Variants in RBFOX1 observed in about 807,000 individuals in gnomAD.
RBFOX1 encodes the protein RNA binding fox-1 homolog 1.
A neutral mutation model predicts 57.7 loss-of-function variants in RBFOX1; 8 were observed. The observed-to-expected ratio is 0.14, with a 90% CI of 0.08 to 0.25. The LOEUF (loss-of-function observed/expected upper bound fraction) is 0.25, where lower values mean the gene tolerates loss of function less well. RBFOX1 is among the 10% of genes least tolerant of loss of function. RBFOX1 has a pLI of 1.00. For synonymous variants in RBFOX1, 326 were observed against 222.4 expected, an observed-to-expected ratio of 1.47 and a Z score of -4.15; for missense variants, 611 against 548.5, an observed-to-expected ratio of 1.11 and a Z score of -1.14.
rs183203317 is a variant in RBFOX1 at position 6,522,562 on chromosome 16, T to G, written c.-63-132041T>G. Among the ~76,000 whole-genome samples the G allele has an allele frequency of 2.0e-4, 30 of 152,366 alleles. No individual in the cohort carries two copies. The East Asian group carries it at 5.4e-3, about 27-fold the overall frequency. On this transcript the variant is annotated intron_variant, in intron 2 of 15. Coordinates refer to ENST00000550418, the MANE Select transcript of RBFOX1 (RefSeq NM_018723.4). The stretch of plus-strand genomic sequence containing the variant: ...CTGGATGAAGCTGTTTCTATTAATT[T>G]AGCTGACAGGAAAGTGTGAGGGTGG...
chr16:6,748,282 T>TAC (rs1369036193), intron 3 of RBFOX1, among the ~76,000 whole-genome samples: 18 of 151,778 alleles, frequency 1.2e-4, no homozygotes, highest in Non-Finnish European at 1.8e-4. Flanking sequence ...TCTCTCTCTC[T>TAC]ACACACACAC....
chr16:6,566,304 GC>G (rs137862122), intron 2 of RBFOX1, among the ~76,000 whole-genome samples: 1,644 of 152,266 alleles, frequency 0.011, 23 homozygotes, highest in South Asian at 0.035. Flanking sequence ...ATGCCTAATT[GC>G]ACCTCGATTC....
intron 14 of RBFOX1, among the ~76,000 whole-genome samples, chr16:7,699,495 C>T (rs960907747): frequency 1.3e-5 from 2 of 152,148 alleles, no homozygotes; most frequent in African/African-American, 2.4e-5. Flanking sequence ...ACCCAGCCAA[C>T]GTTTTTTGTT....
chr16:7,638,765 G>A (rs1294105816), intron 11 of RBFOX1, among the ~76,000 whole-genome samples: 2 of 152,058 alleles, frequency 1.3e-5, no homozygotes, highest in Non-Finnish European at 2.9e-5. Context: ...ATGAATAGGC[G>A]TGACTGTGTT....
rs143096795 is a variant in RBFOX1 at position 6,101,888 on chromosome 16, G to A, written c.-127+81896G>A. The stretch of plus-strand genomic sequence containing the variant: ...GGGAATCTGTGGGGCCAGATTGTCC[G>A]TTCCTGGGAGGTGATTATTTGGCCA... On this transcript the variant is annotated intron_variant, in intron 1 of 15. Coordinates refer to ENST00000550418, the MANE Select transcript of RBFOX1 (RefSeq NM_018723.4). Among the ~76,000 whole-genome samples the A allele has an allele frequency of 1.9e-3, 287 of 152,268 alleles. 2 individuals are homozygous for A. Among genetic ancestry groups the A allele is most frequent in the African/African-American group, 6.7e-3 (280 of 41,534 alleles).
chr16:6,773,652 G>GT (rs2078824768), intron 3 of RBFOX1, among the ~76,000 whole-genome samples: 1 of 110,642 alleles, frequency 9.0e-6, no homozygotes, highest in African/African-American at 4.1e-5. Flanking sequence ...GTGTGGGTGT[G>GT]GGGTCTATTT....
chr16:7,161,072 A>C (rs2078228398), intron 4 of RBFOX1, among the ~76,000 whole-genome samples: 1 of 151,700 alleles, frequency 6.6e-6, no homozygotes, highest in Admixed American at 6.6e-5. Context: ...CCAGATGACT[A>C]CCTTTCATCA....
chr16:6,262,401 G>A (rs1187273672), intron 1 of RBFOX1, among the ~76,000 whole-genome samples: 1 of 152,056 alleles, frequency 6.6e-6, no homozygotes, highest in East Asian at 1.9e-4. Context: ...GGTGGGGGGT[G>A]GTGAGTGTGC....
At chr16:6,296,838 C>A (rs1204104435) in intron 1 of RBFOX1, among the ~76,000 whole-genome samples, 1 of 152,032 alleles carries the variant, frequency 6.6e-6, no homozygotes. Context: ...CGGTACAGAC[C>A]CCAAGAGAGG....
intron 1 of RBFOX1, among the ~76,000 whole-genome samples, chr16:6,053,599 C>T (rs1567341537): frequency 6.6e-6 from 1 of 152,212 alleles, no homozygotes; most frequent in Non-Finnish European, 1.5e-5. Flanking sequence ...GGGAAAAATA[C>T]TGTGTTGCGT....
chr16:6,895,380 C>T (rs757964743), intron 3 of RBFOX1, among the ~76,000 whole-genome samples: 3 of 143,520 alleles, frequency 2.1e-5, no homozygotes, highest in Admixed American at 7.2e-5. Flanking sequence ...ACTGGTTTAC[C>T]CTCTTCGTCT....
chr16:7,525,128 C>T (rs963943383), intron 5 of RBFOX1, among the ~76,000 whole-genome samples: 1 of 152,064 alleles, frequency 6.6e-6, no homozygotes, highest in African/African-American at 2.4e-5. Flanking sequence ...ATCTTTATCT[C>T]CCTCTATCTC....
intron 2 of RBFOX1, among the ~76,000 whole-genome samples, chr16:6,507,225 CAT>C (rs1567487255): frequency 2.0e-5 from 3 of 152,116 alleles, no homozygotes; most frequent in Non-Finnish European, 2.9e-5. Context: ...CCATTATACA[CAT>C]GATAGACAAA....
intron 3 of RBFOX1, among the ~76,000 whole-genome samples, chr16:5,708,418 C>T (rs1054691944): frequency 1.3e-5 from 2 of 152,144 alleles, no homozygotes; most frequent in Non-Finnish European, 2.9e-5. Context: ...TTCTCTCAAG[C>T]AGTAGGGTGA....
intron 3 of RBFOX1, among the ~76,000 whole-genome samples, chr16:6,829,479 AT>A (rs946823593): frequency 1.9e-5 from 2 of 103,670 alleles, no homozygotes; most frequent in Non-Finnish European, 3.6e-5. Context: ...CCACTCAACC[AT>A]TAAAAAAAAA....
chr16:6,983,501 G>C (rs183136073), intron 3 of RBFOX1: 2 of 151,446 alleles, frequency 1.3e-5, no homozygotes, highest in African/African-American at 4.9e-5. Context: ...GCTTACTTCA[G>C]CTTATAAGAG....
intron 3 of RBFOX1, among the ~76,000 whole-genome samples, chr16:5,860,490 A>G (rs1310817436): frequency 1.3e-5 from 2 of 152,232 alleles, no homozygotes; most frequent in Non-Finnish European, 2.9e-5. Flanking sequence ...TTAAGAACTC[A>G]CAACCTGTTG....
chr16:6,654,463 A>G (rs988148592), intron 2 of RBFOX1, 140 bp from the exon 3 acceptor site: 13 of 647,426 alleles, frequency 2.0e-5, no homozygotes, highest in African/African-American at 3.8e-5. Context: ...ATAAAGAGCA[A>G]TGACTCGAGA....
At chr16:6,710,042 G>T (rs2154150757) in intron 3 of RBFOX1, among the ~76,000 whole-genome samples, 1 of 152,272 alleles carries the variant, frequency 6.6e-6, no homozygotes, top group East Asian at 1.9e-4. Context: ...CACCCTTTGA[G>T]AGATGGGACA....
Sources: allele counts gnomAD v4.1 joint callset (sites outside exome capture counted in the v4.1 genomes callset), GRCh38; gene constraint gnomAD v4.1.1; transcripts MANE v1.5; gene names NCBI Gene and HGNC (gene_info 2026-07-23, HGNC 2026-07-21).